Variants in TRIM55 observed in about 807,000 individuals in gnomAD.
TRIM55 encodes tripartite motif-containing protein 55.
In TRIM55, 50 loss-of-function variants were observed where a neutral mutation model predicts 60.9. The observed-to-expected ratio is 0.82, with a 90% CI of 0.65 to 1.04. TRIM55 has a LOEUF of 1.04. Among genes scored for constraint, TRIM55 ranks in the 50% least tolerant of loss-of-function variants. The pLI is 0.00. For synonymous variants in TRIM55, 237 were observed against 238.1 expected, an observed-to-expected ratio of 1.00 and a Z score of 0.04; for missense variants, 681 against 666.9, an observed-to-expected ratio of 1.02 and a Z score of -0.23.
chr8:66,160,285 G>A lies in TRIM55; in HGVS notation c.1524+5951G>A, dbSNP rs547197114. Among the ~76,000 whole-genome samples the A allele has an allele frequency of 1.5e-3, 223 of 152,094 alleles. 1 individual carries two copies. The highest frequency in any genetic ancestry group is 5.0e-3 in the African/African-American group (208 of 41,472). Reference sequence around the variant, plus strand: ...CTGAGTTACTTCACTTAGAATAATAGTCTCCAATTCCATCCAGGTTGTTGC... The same window carrying A: ...CTGAGTTACTTCACTTAGAATAATAATCTCCAATTCCATCCAGGTTGTTGC... On this transcript the variant is annotated intron_variant, in intron 9 of 9. Transcript: ENST00000315962.
At chr8:66,130,133 A>G (rs1421337088) in intron 2 of TRIM55, among the ~76,000 whole-genome samples, 1 of 152,276 alleles carries the variant, frequency 6.6e-6, no homozygotes, top group East Asian at 1.9e-4. Flanking sequence ...CAGAGAAGAG[A>G]TGTTAAAACT....
At chr8:66,148,408 A>G (rs546564236) in intron 4 of TRIM55, among the ~76,000 whole-genome samples, 22 of 152,350 alleles carry the variant, frequency 1.4e-4, no homozygotes, top group African/African-American at 5.3e-4. Context: ...AGGATCTGGT[A>G]GATACAGATA....
chr8:66,147,567 C>CG, intron 4 of TRIM55, among the ~76,000 whole-genome samples: 1 of 151,922 alleles, frequency 6.6e-6, no homozygotes, highest in Admixed American at 6.6e-5. Flanking sequence ...GAGGCCGAGG[C>CG]GGGTGGATCA....
the TRIM55 span, among the ~76,000 whole-genome samples, chr8:66,116,380 A>G: frequency 6.6e-6 from 1 of 151,980 alleles, no homozygotes; most frequent in African/African-American, 2.4e-5. Context: ...GCCCGGGCAG[A>G]CAGATCCCTT....
the TRIM55 span, chr8:66,115,260 A>G: frequency 6.6e-6 from 1 of 152,202 alleles, no homozygotes; most frequent in African/African-American, 2.4e-5. Flanking sequence ...GTTTATTGCT[A>G]TCTTTCATTT....
intron 9 of TRIM55, among the ~76,000 whole-genome samples, chr8:66,172,517 G>T (rs1484298978): frequency 6.6e-6 from 1 of 152,248 alleles, no homozygotes; most frequent in Non-Finnish European, 1.5e-5. Context: ...GGAAGTGTAA[G>T]AGAAGCCAAC....
the TRIM55 span, chr8:66,113,457 G>A: frequency 2.2e-5 from 10 of 454,316 alleles, no homozygotes; most frequent in South Asian, 1.2e-4. Flanking sequence ...CCGGCTCGAA[G>A]GAGACAAGTG....
the TRIM55 span, among the ~76,000 whole-genome samples, chr8:66,114,354 G>A: frequency 3.3e-5 from 5 of 152,304 alleles, no homozygotes; most frequent in Admixed American, 6.5e-5. Context: ...AGTAGGGCGA[G>A]CTCCAGCTTA....
At chr8:66,162,211 G>A (rs1321505273) in intron 9 of TRIM55, among the ~76,000 whole-genome samples, 1 of 152,052 alleles carries the variant, frequency 6.6e-6, no homozygotes, top group East Asian at 1.9e-4. Flanking sequence ...TAATTTTGCT[G>A]AGGGTTTTAA....
intron 9 of TRIM55, among the ~76,000 whole-genome samples, chr8:66,157,303 C>T (rs984691681): frequency 6.6e-6 from 1 of 152,096 alleles, no homozygotes; most frequent in Non-Finnish European, 1.5e-5. Context: ...GAGGAAGGGC[C>T]TTTCACATAG....
Position 66,152,418 on chromosome 8 carries a change from A to AAAG in TRIM55, c.1031_1033dup (p.Glu344dup). ...AGAAGAAGAAGGCGGAGAAGGAGAA[A>AAAG]AAGAAGGAGAAGGAGAAGTGGGAGG... On this transcript the variant is annotated inframe_insertion, in exon 8 of 10. Coordinates refer to ENST00000315962, the MANE Select transcript of TRIM55 (RefSeq NM_184085.2). 2 of 1,611,408 alleles carry AAAG rather than the reference A, an allele frequency of 1.2e-6. No individual in the cohort carries two copies. The highest frequency in any genetic ancestry group is 1.7e-6 in the Non-Finnish European group (2 of 1,178,274).
intron 4 of TRIM55, among the ~76,000 whole-genome samples, chr8:66,141,609 T>A (rs1168473579): frequency 6.6e-6 from 1 of 152,242 alleles, no homozygotes; most frequent in Non-Finnish European, 1.5e-5. Flanking sequence ...CCAGTGGAAC[T>A]TATCCTATGT....
At chr8:66,147,184 A>G (rs1281218259) in intron 4 of TRIM55, among the ~76,000 whole-genome samples, 3 of 152,244 alleles carry the variant, frequency 2.0e-5, no homozygotes, top group African/African-American at 4.8e-5. Context: ...AATAGGAACT[A>G]TGTTAATTCT....
At chr8:66,152,673 C>T (rs1360547117) in intron 8 of TRIM55, 46 bp downstream of exon 8, 3 of 1,582,370 alleles carry the variant, frequency 1.9e-6, no homozygotes, top group Non-Finnish European at 2.6e-6. Context: ...GGGCGTGTCT[C>T]CTTATGGAAT....
At chr8:66,169,997 A>C (rs1811533847) in intron 9 of TRIM55, among the ~76,000 whole-genome samples, 1 of 152,054 alleles carries the variant, frequency 6.6e-6, no homozygotes, top group Admixed American at 6.5e-5. Context: ...AAGAGCAATA[A>C]GTTTGTGTTT....
intron 4 of TRIM55, among the ~76,000 whole-genome samples, chr8:66,140,748 G>A (rs1809760341): frequency 6.6e-6 from 1 of 152,198 alleles, no homozygotes; most frequent in Non-Finnish European, 1.5e-5. Context: ...TATCTACCAG[G>A]GTCAGGGCCA....
intron 2 of TRIM55, among the ~76,000 whole-genome samples, chr8:66,130,568 G>GC (rs574525184): frequency 2.7e-5 from 4 of 150,314 alleles, no homozygotes; most frequent in Admixed American, 6.6e-5. Context: ...GGGTCGGGGG[G>GC]GGTGACCAAT....
chr8:66,153,687 G>A (rs1810566669), intron 8 of TRIM55, among the ~76,000 whole-genome samples: 1 of 152,154 alleles, frequency 6.6e-6, no homozygotes, highest in Admixed American at 6.5e-5. Context: ...AGGTTTTTGG[G>A]ACTCACGTAT....
chr8:66,132,422 C>T (rs1406438388), intron 2 of TRIM55, among the ~76,000 whole-genome samples: 1 of 152,176 alleles, frequency 6.6e-6, no homozygotes, highest in Non-Finnish European at 1.5e-5. Flanking sequence ...CCATTGCACT[C>T]CAGCCTGGGC....
Sources: gnomAD v4.1 joint callset for allele counts (sites outside exome capture counted in the v4.1 genomes callset) on GRCh38, gnomAD v4.1.1 for gene constraint, MANE v1.5 for transcripts, NCBI Gene and HGNC (gene_info 2026-07-23, HGNC 2026-07-21) for gene names.